NTM: variants seen among roughly 807,000 people sequenced by gnomAD.
The protein encoded by NTM is neurotrimin.
NTM carries 13 observed loss-of-function variants against 42.1 expected under a neutral mutation model. That is an observed-to-expected ratio of 0.31 (90% CI 0.20 to 0.49). NTM has a LOEUF of 0.49. Among genes scored for constraint, NTM ranks in the 20% least tolerant of loss-of-function variants. The pLI is 0.99. For synonymous variants in NTM, 187 were observed against 179.2 expected, an observed-to-expected ratio of 1.04 and a Z score of -0.35; for missense variants, 373 against 452.8, an observed-to-expected ratio of 0.82 and a Z score of 1.60.
intron 2 of NTM, among the ~76,000 whole-genome samples, chr11:132,089,971 T>G (rs1594565242): frequency 6.6e-6 from 1 of 152,218 alleles, no homozygotes; most frequent in African/African-American, 2.4e-5. Context: ...CTTCTTGTAT[T>G]TACACTTCAT....
intron 1 of NTM, among the ~76,000 whole-genome samples, chr11:131,761,572 G>C (rs144634056): frequency 6.6e-6 from 1 of 152,078 alleles, no homozygotes; most frequent in African/African-American, 2.4e-5. Flanking sequence ...GGGCGGCTGA[G>C]GTGGGCAGAT....
chr11:131,488,351 C>A (rs1335731628), intron 1 of NTM, among the ~76,000 whole-genome samples: 3 of 152,192 alleles, frequency 2.0e-5, no homozygotes, highest in African/African-American at 7.2e-5. Flanking sequence ...ACACTCTAGG[C>A]TTTTCAGTTC....
intron 1 of NTM, among the ~76,000 whole-genome samples, chr11:131,591,596 T>G (rs1370108522): frequency 1.3e-5 from 2 of 152,190 alleles, no homozygotes; most frequent in African/African-American, 4.8e-5. Flanking sequence ...GAGCCAAGGC[T>G]TGAGATTTGC....
intron 1 of NTM, among the ~76,000 whole-genome samples, chr11:131,723,853 A>G (rs1402212949): frequency 1.3e-5 from 2 of 151,982 alleles, no homozygotes; most frequent in African/African-American, 4.8e-5. Context: ...CATGAGAAAG[A>G]GAGACAGACA....
intron 1 of NTM, among the ~76,000 whole-genome samples, chr11:131,644,737 C>A (rs1211260806): frequency 6.6e-6 from 1 of 151,750 alleles, no homozygotes; most frequent in Non-Finnish European, 1.5e-5. Context: ...ATGGATTTTT[C>A]TTAAGAAGAT....
intron 1 of NTM, among the ~76,000 whole-genome samples, chr11:131,638,639 A>G (rs1023322248): frequency 6.6e-6 from 1 of 151,110 alleles, no homozygotes; most frequent in African/African-American, 2.4e-5. Flanking sequence ...AATTGCTCTG[A>G]TAAAATGAAA....
chr11:132,241,234 A>T (rs3133883), intron 4 of NTM, among the ~76,000 whole-genome samples: 98,844 of 152,072 alleles, frequency 0.65, 32,399 homozygotes, highest in Middle Eastern at 0.76. Flanking sequence ...CTGTATTAGA[A>T]AAATTAAGAA....
intron 1 of NTM, among the ~76,000 whole-genome samples, chr11:131,495,370 G>T (rs1955230200): frequency 6.6e-6 from 1 of 152,214 alleles, no homozygotes; most frequent in African/African-American, 2.4e-5. Context: ...TGCTTGCTCT[G>T]TTGAATGCAC....
At chr11:131,528,896 T>C (rs1458475846) in intron 1 of NTM, among the ~76,000 whole-genome samples, 1 of 152,236 alleles carries the variant, frequency 6.6e-6, no homozygotes, top group African/African-American at 2.4e-5. Flanking sequence ...CTTTTGTTGG[T>C]TCTAACTGTT....
intron 1 of NTM, among the ~76,000 whole-genome samples, chr11:131,712,157 AT>A (rs1465758753): frequency 4.8e-5 from 7 of 147,274 alleles, no homozygotes; most frequent in African/African-American, 1.5e-4. Flanking sequence ...AAATAAAAAA[AT>A]AAAAATTAAA....
At chr11:132,001,381 G>T (rs1239606546) in intron 2 of NTM, among the ~76,000 whole-genome samples, 1 of 152,194 alleles carries the variant, frequency 6.6e-6, no homozygotes, top group African/African-American at 2.4e-5. Flanking sequence ...GGCCATTCTG[G>T]CATTACTATA....
chr11:131,795,907 T>G, intron 1 of NTM: 1 of 978,278 alleles, frequency 1.0e-6, no homozygotes, highest in Non-Finnish European at 1.2e-6. Context: ...AGGGATCACT[T>G]TATTGGAGTA....
intron 1 of NTM, among the ~76,000 whole-genome samples, chr11:131,429,174 G>T (rs1199545933): frequency 6.6e-6 from 1 of 152,186 alleles, no homozygotes; most frequent in African/African-American, 2.4e-5. Context: ...ATTTTTAAGG[G>T]ATTGAGGGAT....
At chr11:131,810,306 C>T (rs2092684313) in intron 1 of NTM, among the ~76,000 whole-genome samples, 1 of 152,162 alleles carries the variant, frequency 6.6e-6, no homozygotes, top group Non-Finnish European at 1.5e-5. Flanking sequence ...TCTTCTTACT[C>T]CCCTGTCACC....
intron 4 of NTM, among the ~76,000 whole-genome samples, chr11:132,275,431 A>G (rs2093666546): frequency 6.6e-6 from 1 of 151,964 alleles, no homozygotes; most frequent in South Asian, 2.1e-4. Context: ...TGTGTTGATT[A>G]TTGTAACTTT....
chr11:132,222,054 C>A (rs1361608531), intron 4 of NTM, among the ~76,000 whole-genome samples: 2 of 152,284 alleles, frequency 1.3e-5, no homozygotes, highest in Admixed American at 6.5e-5. Context: ...TTTACCCGCA[C>A]CTGTGTCATC....
chr11:131,421,569 C>A (rs996853627), intron 1 of NTM, among the ~76,000 whole-genome samples: 3 of 152,204 alleles, frequency 2.0e-5, no homozygotes, highest in Non-Finnish European at 2.9e-5. Context: ...ACTGCATATG[C>A]AGTTCCAGCC....
chr11:131,378,401 A>T (rs897384467), intron 1 of NTM, among the ~76,000 whole-genome samples: 5 of 152,240 alleles, frequency 3.3e-5, no homozygotes, highest in African/African-American at 1.2e-4. Flanking sequence ...TCTAAAAGAA[A>T]ATACTCAGCA....
chr11:131,450,754 T>C (rs1950419083), intron 1 of NTM, among the ~76,000 whole-genome samples: 1 of 152,240 alleles, frequency 6.6e-6, no homozygotes, highest in South Asian at 2.1e-4. Flanking sequence ...TTACAATCAC[T>C]AGTAGGCCTT....
Sources: allele counts gnomAD v4.1 joint callset (sites outside exome capture counted in the v4.1 genomes callset), GRCh38; gene constraint gnomAD v4.1.1; transcripts MANE v1.5; gene names NCBI Gene and HGNC (gene_info 2026-07-23, HGNC 2026-07-21).